The following OR8B8 variants were observed in gnomAD, a reference collection of about 807,000 sequenced individuals.
The protein encoded by OR8B8 is olfactory receptor 8B8.
OR8B8 carries 8 observed loss-of-function variants against 10.5 expected under a neutral mutation model. The observed-to-expected ratio is 0.76, with a 90% CI of 0.45 to 1.38. The LOEUF (loss-of-function observed/expected upper bound fraction) is 1.38. Ranked by LOEUF, OR8B8 falls within the 40% of genes most tolerant of loss-of-function variation. The pLI is 0.00. For missense variants in OR8B8, 390 were observed against 380.5 expected, an observed-to-expected ratio of 1.03 and a Z score of -0.21; for synonymous variants, 150 against 145.2, an observed-to-expected ratio of 1.03 and a Z score of -0.24.
rs914117186 is a variant in OR8B8 at position 124,438,934 on chromosome 11, T to C, written c.*1216A>G. ...TGATTTCCTCTGCTGATGTTGCCAT[T>C]GGTCTAACCCAACTGAAACCAGAGG... On this transcript the variant is annotated 3_prime_UTR_variant, in exon 3 of 3. Transcript: ENST00000642064. 6.6e-6 allele frequency: 1 copy of C among 152,394 alleles called. No individual in the cohort carries two copies. The highest frequency in any genetic ancestry group is 2.4e-5 in the African/African-American group (1 of 41,600). 9.4% of individuals were successfully genotyped at this position (152,394 alleles called of 1,614,324 possible). A position where few individuals can be genotyped will look rare whatever the true frequency, so the allele number is the denominator to read the frequency against.
At position 124,440,086 on chromosome 11, in the gene OR8B8, A is replaced by G; in HGVS notation, c.*64T>C. ...AGGAAAAATTATATTTCTTCCATGT[A>G]ACCAGTGGAGTCCAAATCACTTATG... On this transcript the variant is annotated 3_prime_UTR_variant, in exon 3 of 3. Coordinates refer to ENST00000642064, the MANE Select transcript of OR8B8 (RefSeq NM_012378.2). The G allele has an allele frequency of 7.8e-7, 1 of 1,285,824 alleles. No homozygotes were observed. Among genetic ancestry groups the G allele is most frequent in the Non-Finnish European group, 1.1e-6 (1 of 916,604 alleles). The allele number at this position is 1,285,824 out of a possible 1,614,324, so 79.7% of individuals were successfully genotyped here.
rs746454007 is a variant in OR8B8 at position 124,440,269 on chromosome 11, C to A, written c.817G>T (p.Val273Leu). ...FSLLAMNQGK[V>L]SSLFYTTVVP... Reference sequence around the variant, plus strand: ...ACAGTGGTATAGAATAGGGAAGACACCTTGCCCTGGTTCATAGCTAAAAGA... The same window carrying A: ...ACAGTGGTATAGAATAGGGAAGACAACTTGCCCTGGTTCATAGCTAAAAGA... The change falls in exon 3 of 3, where the codon GTG becomes TTG. Residue 273 changes from valine (V) to leucine (L), a missense_variant. Coordinates refer to ENST00000642064, the MANE Select transcript of OR8B8 (RefSeq NM_012378.2). 5.0e-6 allele frequency: 8 copies of A among 1,614,018 alleles called. No homozygotes were observed. In the East Asian group the frequency reaches 1.1e-4, roughly 22 times the overall value.
chr11:124,444,679 G>T (rs2134240637), intron 1 of OR8B8, among the ~76,000 whole-genome samples: 1 of 152,334 alleles, frequency 6.6e-6, no homozygotes, highest in East Asian at 1.9e-4. Flanking sequence ...GTTGTTGTGA[G>T]AGTTAAATTA....
In OR8B8 at chr11:124,440,488, A is replaced by G; in HGVS notation, c.598T>C (p.Phe200Leu). The part of the protein sequence containing the change: ...TSTYVNELVV[F>L]VVVGIDIGVP... ...CCAATATCAATGCCCACAACAACAA[A>G]CACTACAAGCTCATTCACATAGGTG... Residue 200 changes from phenylalanine to leucine, a missense_variant, in exon 3 of 3, where the codon TTT becomes CTT. Phe to Leu is a conservative substitution (Grantham distance 22). Transcript: ENST00000642064. 6.2e-7 allele frequency: 1 copy of G among 1,614,248 alleles called. No homozygotes were observed. Among genetic ancestry groups the G allele is most frequent in the Non-Finnish European group, 8.5e-7 (1 of 1,180,036 alleles).
Position 124,440,445 on chromosome 11 carries a change from A to T in OR8B8, c.641T>A (p.Ile214Asn), listed in dbSNP as rs763122551. Residue 214 changes from isoleucine (I) to asparagine (N), a missense_variant, in exon 3 of 3, where the codon ATC becomes AAC. Transcript: ENST00000642064. The stretch of plus-strand genomic sequence containing the variant: ...GAGAATGAGAGCATAGGAAATGAAG[A>T]TGGTGACTGTGGGCACACCAATATC... ...GIDIGVPTVTIFISYALILSS... is the reference protein window; with the variant it reads ...GIDIGVPTVTNFISYALILSS... 1.9e-6 allele frequency: 3 copies of T among 1,614,210 alleles called. No homozygotes were observed. In the South Asian group the frequency reaches 3.3e-5, roughly 18 times the overall value.
chr11:124,442,042 C>T (rs1861480242), intron 1 of OR8B8, among the ~76,000 whole-genome samples: 1 of 148,302 alleles, frequency 6.7e-6, no homozygotes, highest in Non-Finnish European at 1.5e-5. Flanking sequence ...TTATTGAGCA[C>T]TTAATGTATA....
In OR8B8 at chr11:124,440,991, A is replaced by G. The variant is rs1032536819; in HGVS notation, c.95T>C (p.Leu32Pro). Reference protein sequence around the residue: ...GVQIPLFFLFLGFYVVTVVGN... With the variant: ...GVQIPLFFLFPGFYVVTVVGN... ...CACCACAGTGACCACGTAGAAGCCT[A>G]GAAACAGGAAGAAGAGGGGGATCTG... is the stretch of plus-strand genomic sequence containing the variant. The change falls in exon 3 of 3, where the codon CTA becomes CCA. Residue 32 changes from leucine to proline, a missense_variant. By Grantham distance (98) the Leu-to-Pro change is moderately conservative. Coordinates refer to ENST00000642064, the MANE Select transcript of OR8B8 (RefSeq NM_012378.2). The G allele has an allele frequency of 3.1e-6, 5 of 1,613,938 alleles. No individual in the cohort carries two copies. In the African/African-American group the frequency reaches 6.7e-5, roughly 22 times the overall value.
chr11:124,441,491 A>C lies in OR8B8; in HGVS notation c.-20T>G, dbSNP rs1485171762. On this transcript the variant is annotated 5_prime_UTR_variant, in exon 2 of 3. Coordinates refer to ENST00000642064, the MANE Select transcript of OR8B8 (RefSeq NM_012378.2). ...GGACTTCCCAGAGCTTTAGTACCTG[A>C]GACTGGGGACTCGGGAAAAGTTCGG... 5.7e-6 allele frequency: 1 copy of C among 175,302 alleles called. No homozygotes were observed. Among genetic ancestry groups the C allele is most frequent in the Non-Finnish European group, 1.2e-5 (1 of 80,934 alleles). 10.9% of individuals were successfully genotyped at this position (175,302 alleles called of 1,614,324 possible). A position where few individuals can be genotyped will look rare whatever the true frequency, so the allele number is the denominator to read the frequency against.
intron 1 of OR8B8, among the ~76,000 whole-genome samples, chr11:124,443,721 G>A (rs1461490166): frequency 1.3e-5 from 2 of 152,120 alleles, no homozygotes; most frequent in Non-Finnish European, 2.9e-5. Context: ...CATGTTTTAT[G>A]CCTCATTTTA....
intron 1 of OR8B8, among the ~76,000 whole-genome samples, chr11:124,444,868 T>C (rs1219226763): frequency 2.0e-5 from 3 of 152,156 alleles, no homozygotes; most frequent in South Asian, 2.1e-4. Flanking sequence ...GGGTCTGCCA[T>C]AGGGCAGAGG....
intron 1 of OR8B8, among the ~76,000 whole-genome samples, chr11:124,444,934 G>T (rs1429320362): frequency 6.6e-6 from 1 of 152,122 alleles, no homozygotes; most frequent in African/African-American, 2.4e-5. Flanking sequence ...CAAACTTTAA[G>T]GCCTGTCTCT....
rs1305307906 is a variant in OR8B8 at position 124,440,138 on chromosome 11, AT to A, written c.*11del. The A allele has an allele frequency of 6.3e-7, 1 of 1,599,086 alleles. No individual in the cohort carries two copies. The highest frequency in any genetic ancestry group is 8.6e-7 in the Non-Finnish European group (1 of 1,169,286). ...GAGAAACAGTGTTTCTTTCCTGAGC[AT>A]TGCCCTTTTCTCAGGAGAATGCATT... On this transcript the variant is annotated 3_prime_UTR_variant, in exon 3 of 3. Transcript: ENST00000642064.
chr11:124,442,254 T>G (rs1158693320), intron 1 of OR8B8, among the ~76,000 whole-genome samples: 1 of 152,226 alleles, frequency 6.6e-6, no homozygotes, highest in Non-Finnish European at 1.5e-5. Context: ...ACTCCAGATT[T>G]GGTGTTCTTA....
At chr11:124,441,464 G>A (rs1861475179) in intron 2 of OR8B8, 24 bp downstream of exon 2, 1 of 197,360 alleles carries the variant, frequency 5.1e-6, no homozygotes, top group Non-Finnish European at 1.0e-5. Flanking sequence ...GAAGGGTAGA[G>A]TGGACTTCCC....
At chr11:124,442,088 C>T (rs1220643731) in intron 1 of OR8B8, among the ~76,000 whole-genome samples, 1 of 152,092 alleles carries the variant, frequency 6.6e-6, no homozygotes, top group African/African-American at 2.4e-5. Flanking sequence ...ATGCACTGAC[C>T]TCAGCATGCC....
In OR8B8 at chr11:124,437,645, T is replaced by C. The variant is rs1003403102; in HGVS notation, c.*2505A>G. On this transcript the variant is annotated 3_prime_UTR_variant, in exon 3 of 3. Coordinates refer to ENST00000642064, the MANE Select transcript of OR8B8 (RefSeq NM_012378.2). The stretch of plus-strand genomic sequence containing the variant: ...CAGACTTTGTGTGTGTGTGTGTGTG[T>C]GTGTGTGTGTGTGTGTGTGTGTGCG... 1.1e-4 allele frequency: 16 copies of C among 143,350 alleles called. No homozygotes were observed. Among genetic ancestry groups the C allele is most frequent in the African/African-American group, 4.5e-4 (15 of 33,096 alleles). The allele number at this position is 143,350 out of a possible 1,614,324, so 8.9% of individuals were successfully genotyped here.
intron 1 of OR8B8, among the ~76,000 whole-genome samples, chr11:124,443,968 C>T (rs914404977): frequency 6.6e-6 from 1 of 151,360 alleles, no homozygotes; most frequent in Non-Finnish European, 1.5e-5. Flanking sequence ...AAATGTCTCC[C>T]TTTTGTGTAT....
In OR8B8 at chr11:124,441,082, C is replaced by A. The variant is rs376405160; in HGVS notation, c.4G>T (p.Ala2Ser). The part of the protein sequence containing the change: M[A>S]AENSSFVTQF... Reference sequence around the variant, plus strand: ...GTCACGAAGGAGGAATTCTCAGCAGCCATTGTCATTTAAGGCATTCTGTGG... The same window carrying A: ...GTCACGAAGGAGGAATTCTCAGCAGACATTGTCATTTAAGGCATTCTGTGG... The change falls in exon 3 of 3, where the codon GCT (alanine) becomes TCT (serine). Residue 2 changes from alanine (A) to serine (S), a missense_variant. Physicochemically the swap from Ala to Ser is moderately conservative, Grantham distance 99. Transcript: ENST00000642064. The A allele has an allele frequency of 2.3e-5, 37 of 1,608,516 alleles. No homozygotes were observed. Among genetic ancestry groups the A allele is most frequent in the Non-Finnish European group, 3.0e-5 (35 of 1,179,058 alleles).
At position 124,437,651 on chromosome 11, in the gene OR8B8, TGTGTGTGTGTGTGTGTGC is replaced by T. The variant is rs1193195853; in HGVS notation, c.*2481_*2498del. On this transcript the variant is annotated 3_prime_UTR_variant, in exon 3 of 3. Coordinates refer to ENST00000642064, the MANE Select transcript of OR8B8 (RefSeq NM_012378.2). ...TTGTGTGTGTGTGTGTGTGTGTGTG[TGTGTGTGTGTGTGTGTGC>T]GCGCGCGCGTGCGTGCGTGCTGGGA... is the stretch of plus-strand genomic sequence containing the variant. The T allele has an allele frequency of 9.6e-5, 14 of 146,264 alleles. No individual in the cohort carries two copies. Among genetic ancestry groups the T allele is most frequent in the African/African-American group, 3.2e-4 (11 of 34,504 alleles). The allele number at this position is 146,264 out of a possible 1,614,324, so 9.1% of individuals were successfully genotyped here.
Sources: gnomAD v4.1 joint callset for allele counts (sites outside exome capture counted in the v4.1 genomes callset) on GRCh38, gnomAD v4.1.1 for gene constraint, MANE v1.5 for transcripts, NCBI Gene and HGNC (gene_info 2026-07-23, HGNC 2026-07-21) for gene names.